STARD10: variants seen among roughly 807,000 people sequenced by gnomAD.
STARD10 encodes the protein StAR related lipid transfer domain containing 10, also known as START domain-containing protein 10.
In STARD10, 24 loss-of-function variants were observed where a neutral mutation model predicts 36.0. The ratio of observed to expected loss-of-function variants is 0.67; its 90% confidence interval spans 0.48 to 0.94. The LOEUF (loss-of-function observed/expected upper bound fraction) is 0.94. STARD10 is among the 40% of genes least tolerant of loss of function. The pLI is 0.00. For missense variants in STARD10, 335 were observed against 396.6 expected, an observed-to-expected ratio of 0.84 and a Z score of 1.32; for synonymous variants, 156 against 161.9, an observed-to-expected ratio of 0.96 and a Z score of 0.28.
chr11:72,756,018 A>G, intron 5 of STARD10: 1 of 360,652 alleles, frequency 2.8e-6, no homozygotes, highest in Non-Finnish European at 5.0e-6. Flanking sequence ...AGGTAAGCAC[A>G]GGCTATACAT....
At chr11:72,756,349 G>C (rs936234238) in intron 5 of STARD10, among the ~76,000 whole-genome samples, 1 of 152,140 alleles carries the variant, frequency 6.6e-6, no homozygotes, top group Admixed American at 6.5e-5. Context: ...TTCCAGGCAA[G>C]GATGCTCAAG....
intron 2 of STARD10, among the ~76,000 whole-genome samples, chr11:72,769,683 C>G (rs1380707563): frequency 6.6e-6 from 1 of 151,942 alleles, no homozygotes; most frequent in African/African-American, 2.4e-5. Flanking sequence ...AATCCCAGGA[C>G]TACAAATTTG....
rs555684232 is a variant in STARD10 at position 72,793,385 on chromosome 11, C to T, written c.-624G>A. ...GTTTGCATTTACAAATGAGAAAGCT[C>T]AGTTCCCTAAGGGAACAAAATTACC... On this transcript the variant is annotated 5_prime_UTR_variant, in exon 1 of 7. Coordinates refer to ENST00000334805, the MANE Select transcript of STARD10 (RefSeq NM_006645.3). 6.6e-6 allele frequency: 1 copy of T among 152,362 alleles called. No homozygotes were observed. Among genetic ancestry groups the T allele is most frequent in the Non-Finnish European group, 1.5e-5 (1 of 68,040 alleles). The allele number at this position is 152,362 out of a possible 1,614,324, so 9.4% of individuals were successfully genotyped here.
intron 2 of STARD10, among the ~76,000 whole-genome samples, chr11:72,763,616 G>T (rs1858749408): frequency 6.6e-6 from 1 of 152,162 alleles, no homozygotes; most frequent in African/African-American, 2.4e-5. Context: ...GCCTATAAGT[G>T]TCAGGATCAT....
intron 2 of STARD10, among the ~76,000 whole-genome samples, chr11:72,764,355 C>T (rs138320502): frequency 2.8e-4 from 43 of 152,334 alleles, no homozygotes; most frequent in African/African-American, 9.1e-4. Context: ...TGCAGAGCCA[C>T]GAGACAGACC....
chr11:72,780,032 G>A (rs1229387226), intron 2 of STARD10: 1 of 307,586 alleles, frequency 3.3e-6, no homozygotes, highest in East Asian at 8.7e-5. Context: ...GAGAAGGCAA[G>A]GAAGAGGAAG....
intron 2 of STARD10, among the ~76,000 whole-genome samples, chr11:72,763,876 T>C (rs1310727025): frequency 6.6e-6 from 1 of 152,046 alleles, no homozygotes; most frequent in African/African-American, 2.4e-5. Flanking sequence ...TGGTGGTCGC[T>C]GTTATTATTC....
chr11:72,781,155 C>A lies in STARD10; in HGVS notation c.27G>T (p.Glu9Asp). 1.9e-6 allele frequency: 3 copies of A among 1,612,186 alleles called. No homozygotes were observed. The highest frequency in any genetic ancestry group is 2.5e-6 in the Non-Finnish European group (3 of 1,179,980). ...CCAGGACCGGCCGAGGCCCTTGGGG[C>A]TCTGTAGAGGCCGCCAGCTTCTCCA... MEKLAAST[E>D]PQGPRPVLGR... Residue 9 changes from glutamate to aspartate, a missense_variant, in exon 2 of 7, where the codon GAG (glutamate) becomes GAT (aspartate). Coordinates refer to ENST00000334805, the MANE Select transcript of STARD10 (RefSeq NM_006645.3). The surrounding 1 kb of genome is among the most constrained non-coding windows in gnomAD (Gnocchi z 4.7).
intron 1 of STARD10, among the ~76,000 whole-genome samples, chr11:72,787,034 T>C (rs566420410): frequency 9.5e-4 from 135 of 142,440 alleles, no homozygotes; most frequent in Non-Finnish European, 1.1e-3. Context: ...CAGTGAGCTA[T>C]GATCGTACTA....
intron 2 of STARD10, among the ~76,000 whole-genome samples, chr11:72,765,668 C>T (rs926508839): frequency 9.2e-5 from 14 of 151,982 alleles, no homozygotes; most frequent in Admixed American, 5.2e-4. Context: ...ATGCCTAGCG[C>T]GTAGTAAATA....
chr11:72,785,330 C>T (rs140603355), intron 1 of STARD10, among the ~76,000 whole-genome samples: 2,432 of 151,896 alleles, frequency 0.016, 69 homozygotes, highest in African/African-American at 0.056. Flanking sequence ...TTTGGGAGGC[C>T]GATACGGGTG....
intron 2 of STARD10, chr11:72,766,239 C>T (rs1025310280): frequency 6.6e-6 from 1 of 152,380 alleles, no homozygotes; most frequent in African/African-American, 2.4e-5. Context: ...TCCCACATCT[C>T]ACCCTGCCCT....
In STARD10 at chr11:72,781,130, C is replaced by A. The variant is rs775994344; in HGVS notation, c.52G>T (p.Gly18Cys). 1.2e-6 allele frequency: 2 copies of A among 1,613,492 alleles called. No homozygotes were observed. Among genetic ancestry groups the A allele is most frequent in the Admixed American group, 1.7e-5 (1 of 60,026 alleles). ...TCGGGCACCTGGACACTCTCACGGC[C>A]CAGGACCGGCCGAGGCCCTTGGGGC... is the stretch of plus-strand genomic sequence containing the variant. The part of the protein sequence containing the change: ...TEPQGPRPVL[G>C]RESVQVPDDQ... The change falls in exon 2 of 7, where the codon GGC becomes TGC. Residue 18 changes from glycine to cysteine, a missense_variant. Coordinates refer to ENST00000334805, the MANE Select transcript of STARD10 (RefSeq NM_006645.3). The surrounding 1 kb of genome is among the most constrained non-coding windows in gnomAD (Gnocchi z 4.7).
chr11:72,755,327 T>C, intron 6 of STARD10, 185 bp from the exon 7 acceptor site: 1 of 660,960 alleles, frequency 1.5e-6, no homozygotes, highest in Non-Finnish European at 2.4e-6. Context: ...TTTTTTTTTT[T>C]TGAGACGGAA....
At chr11:72,763,664 T>C (rs1421259593) in intron 2 of STARD10, among the ~76,000 whole-genome samples, 1 of 152,030 alleles carries the variant, frequency 6.6e-6, no homozygotes, top group East Asian at 1.9e-4. Flanking sequence ...CTGAGGAGAC[T>C]AATGAGATGT....
chr11:72,763,069 C>T (rs950636749), intron 2 of STARD10, among the ~76,000 whole-genome samples: 1 of 152,216 alleles, frequency 6.6e-6, no homozygotes, highest in Non-Finnish European at 1.5e-5. Context: ...CAGTGGCCAA[C>T]TCTTCAAGGT....
rs868181527 is a variant in STARD10, at chr11:72,779,502, C to A, written c.207+1473G>T. Among the ~76,000 whole-genome samples the A allele has an allele frequency of 1.3e-5, 2 of 152,072 alleles. 1 individual carries two copies. Among genetic ancestry groups the A allele is most frequent in the African/African-American group, 4.8e-5 (2 of 41,388 alleles). ...AGCTACTGCTGGGAGGCAGGAGAAT[C>A]ACTTGAACCTGGGAGGTGGAGATTG... On this transcript the variant is annotated intron_variant, in intron 2 of 6. Transcript: ENST00000334805.
At chr11:72,791,239 A>C (rs1053518697) in intron 1 of STARD10, among the ~76,000 whole-genome samples, 6 of 152,182 alleles carry the variant, frequency 3.9e-5, no homozygotes, top group Admixed American at 3.3e-4. Context: ...GCTGGTTAAA[A>C]GCCAGGTCTG....
Position 72,755,772 on chromosome 11 carries a change from G to A in STARD10, c.578-19C>T. On this transcript the variant is annotated intron_variant, in intron 5 of 6. Coordinates refer to ENST00000334805, the MANE Select transcript of STARD10 (RefSeq NM_006645.3). ...AAGGAGCCTGTGAGGGCAGGGAAGGGAGGAAGCAGCCTCAGGGACCCAGCC... is the reference window on the plus strand; with the variant it reads ...AAGGAGCCTGTGAGGGCAGGGAAGGAAGGAAGCAGCCTCAGGGACCCAGCC... The A allele has an allele frequency of 6.2e-7, 1 of 1,605,792 alleles. No homozygotes were observed. Among genetic ancestry groups the A allele is most frequent in the Non-Finnish European group, 8.5e-7 (1 of 1,175,464 alleles).
Sources: allele counts gnomAD v4.1 joint callset (sites outside exome capture counted in the v4.1 genomes callset), GRCh38; gene constraint gnomAD v4.1.1; non-coding constraint Gnocchi (gnomAD v3.1); transcripts MANE v1.5; gene names NCBI Gene and HGNC (gene_info 2026-07-23, HGNC 2026-07-21).